TSPEAR: variants seen among roughly 807,000 people sequenced by gnomAD.
The protein encoded by TSPEAR is thrombospondin-type laminin G domain and EAR repeat-containing protein.
In TSPEAR, 69 loss-of-function variants were observed where a neutral mutation model predicts 71.6. That is an observed-to-expected ratio of 0.96 (90% CI 0.79 to 1.18). The LOEUF (loss-of-function observed/expected upper bound fraction) is 1.18, where lower values mean the gene tolerates loss of function less well. Among genes scored for constraint, TSPEAR ranks in the 50% most tolerant of loss-of-function variants. The pLI, the probability that TSPEAR is intolerant of heterozygous loss-of-function variation, is 0.00. For missense variants in TSPEAR, 971 were observed against 894.9 expected (o/e 1.09, Z -1.09); for synonymous variants, 402 against 387.2 (o/e 1.04, Z -0.45).
At chr21:44,668,243 A>G (rs75741465) in intron 1 of TSPEAR, among the ~76,000 whole-genome samples, 2,240 of 152,334 alleles carry the variant, frequency 0.015, 52 homozygotes, top group African/African-American at 0.052. Context: ...AATCAGTTCT[A>G]TTTCCATAAA....
At chr21:44,513,286 G>A (rs782305881) in intron 9 of TSPEAR, among the ~76,000 whole-genome samples, 22 of 152,190 alleles carry the variant, frequency 1.4e-4, no homozygotes, top group Admixed American at 2.6e-4. Context: ...TGCTGAAGCC[G>A]GGGCCTTCTC....
chr21:44,547,189 C>T (rs2053315679), intron 2 of TSPEAR, among the ~76,000 whole-genome samples: 1 of 152,182 alleles, frequency 6.6e-6, no homozygotes, highest in Non-Finnish European at 1.5e-5. Flanking sequence ...TTATTTATTT[C>T]AGTTGTTGTA....
intron 11 of TSPEAR, among the ~76,000 whole-genome samples, chr21:44,502,852 G>T (rs782738699): frequency 4.8e-5 from 7 of 146,632 alleles, no homozygotes; most frequent in Non-Finnish European, 7.5e-5. Flanking sequence ...GTGAGCCCTT[G>T]GGGGGAAGCA....
chr21:44,608,650 C>G (rs8128920), intron 1 of TSPEAR, among the ~76,000 whole-genome samples: 7,428 of 152,302 alleles, frequency 0.049, 460 homozygotes, highest in African/African-American at 0.14. Flanking sequence ...AGTGGCTTTA[C>G]TCATCCGGGA....
At chr21:44,523,402 G>A (rs933008464) in intron 8 of TSPEAR, among the ~76,000 whole-genome samples, 1 of 152,244 alleles carries the variant, frequency 6.6e-6, no homozygotes, top group Non-Finnish European at 1.5e-5. Flanking sequence ...CAGTTAGGTA[G>A]TTAATAAGTC....
At chr21:44,574,624 T>TCTG (rs1404757469) in intron 1 of TSPEAR, 1 of 1,288,522 alleles carries the variant, frequency 7.8e-7, no homozygotes, top group East Asian at 3.1e-5. Flanking sequence ...TCTGTGCCCA[T>TCTG]CTGCTCTGGG....
intron 8 of TSPEAR, among the ~76,000 whole-genome samples, chr21:44,522,928 G>A (rs1253842866): frequency 6.6e-6 from 1 of 152,276 alleles, no homozygotes; most frequent in Admixed American, 6.5e-5. Context: ...TTCCTGCTGG[G>A]AGGCTGCTTA....
chr21:44,709,798 G>C (rs1030429728), intron 1 of TSPEAR, among the ~76,000 whole-genome samples: 1 of 152,260 alleles, frequency 6.6e-6, no homozygotes, highest in Non-Finnish European at 1.5e-5. Context: ...AAACGGAATG[G>C]AACCAAGGTG....
Position 44,546,231 on chromosome 21 carries a change from A to G in TSPEAR, c.304-12308T>C, listed in dbSNP as rs2053301582. On this transcript the variant is annotated intron_variant, in intron 2 of 11. Transcript: ENST00000323084. This position sits in a 1 kb window ranked among gnomAD's most constrained non-coding sequence, Gnocchi z 4.4. ...CTACCGACATGGCTACCTTTCCTTC[A>G]TATGGCTCCAGGTTACTGTCTAGTG... Among the ~76,000 whole-genome samples, 2 of 152,244 alleles carry G rather than the reference A, an allele frequency of 1.3e-5. No homozygotes were observed. The highest frequency in any genetic ancestry group is 6.5e-5 in the Admixed American group (1 of 15,290).
intron 1 of TSPEAR, among the ~76,000 whole-genome samples, chr21:44,569,218 C>G (rs2051398988): frequency 6.6e-6 from 1 of 152,220 alleles, no homozygotes; most frequent in African/African-American, 2.4e-5. Flanking sequence ...AGAGCCTACC[C>G]TGGAAAAGCA....
Position 44,695,169 on chromosome 21 carries a change from C to A in TSPEAR, c.82+16264G>T, listed in dbSNP as rs1987277139. ...ACAGTGCCCTCCAAACTGTGGGGAA[C>A]CTATCCAGCCTCCCCCGACCCCACC... On this transcript the variant is annotated intron_variant, in intron 1 of 11. Coordinates refer to ENST00000323084, the MANE Select transcript of TSPEAR (RefSeq NM_144991.3). This position sits in a 1 kb window ranked among gnomAD's most constrained non-coding sequence, Gnocchi z 4.5. Among the ~76,000 whole-genome samples, 1 of 152,322 alleles carries A rather than the reference C, an allele frequency of 6.6e-6. No individual in the cohort carries two copies. The highest frequency in any genetic ancestry group is 2.4e-5 in the African/African-American group (1 of 41,570).
chr21:44,538,395 T>C (rs2053129976), intron 2 of TSPEAR, among the ~76,000 whole-genome samples: 1 of 149,316 alleles, frequency 6.7e-6, no homozygotes, highest in Non-Finnish European at 1.5e-5. Context: ...CCAGGCTCCT[T>C]GTCCCTACAC....
intron 1 of TSPEAR, among the ~76,000 whole-genome samples, chr21:44,588,818 T>C (rs1172503946): frequency 6.6e-6 from 1 of 150,930 alleles, no homozygotes; most frequent in African/African-American, 2.4e-5. Flanking sequence ...TACTACTCAG[T>C]AATAAAAAGA....
At chr21:44,654,145 C>T in intron 1 of TSPEAR, 1 of 711,130 alleles carries the variant, frequency 1.4e-6, no homozygotes, top group Non-Finnish European at 2.4e-6. Flanking sequence ...GACGGTGCCG[C>T]AAAGGAGGCA....
intron 1 of TSPEAR, among the ~76,000 whole-genome samples, chr21:44,578,025 C>T (rs1302309118): frequency 1.3e-5 from 2 of 152,202 alleles, no homozygotes; most frequent in African/African-American, 4.8e-5. Flanking sequence ...CACAAGCTCT[C>T]TTCTCTTGTC....
At chr21:44,677,870 T>G (rs1400933203) in intron 1 of TSPEAR, 2 of 1,359,914 alleles carry the variant, frequency 1.5e-6, no homozygotes, top group Non-Finnish European at 2.1e-6. Flanking sequence ...CTACTCTTTC[T>G]CGGAAATGGG....
At chr21:44,515,741 GC>G (rs1463093960) in intron 9 of TSPEAR, 1 of 152,228 alleles carries the variant, frequency 6.6e-6, no homozygotes, top group African/African-American at 2.4e-5. Context: ...CGTGACAGAA[GC>G]CCCGTGTTTT....
chr21:44,682,851 G>A (rs1875581166), intron 1 of TSPEAR, among the ~76,000 whole-genome samples: 1 of 152,220 alleles, frequency 6.6e-6, no homozygotes, highest in South Asian at 2.1e-4. Flanking sequence ...AGCAGCTGAA[G>A]CCCTGGAGTC....
intron 1 of TSPEAR, chr21:44,647,184 C>T (rs782429833): frequency 1.9e-6 from 3 of 1,613,820 alleles, no homozygotes; most frequent in South Asian, 1.1e-5. Context: ...TCCTCTGCCA[C>T]CCCGTGTGCA....
Sources: allele counts gnomAD v4.1 joint callset (sites outside exome capture counted in the v4.1 genomes callset), GRCh38; gene constraint gnomAD v4.1.1; non-coding constraint Gnocchi (gnomAD v3.1); transcripts MANE v1.5; gene names NCBI Gene and HGNC (gene_info 2026-07-23, HGNC 2026-07-21).